The following COL11A2 variants were observed in gnomAD, a reference collection of about 807,000 sequenced individuals.
COL11A2 encodes the protein collagen type XI alpha 2 chain, also known as collagen alpha-2(XI) chain.
COL11A2 carries 116 observed loss-of-function variants against 273.4 expected under a neutral mutation model. The ratio of observed to expected loss-of-function variants is 0.42; its 90% CI spans 0.36 to 0.49. COL11A2 has a LOEUF of 0.49. Among genes scored for constraint, COL11A2 ranks in the 20% least tolerant of loss-of-function variants. COL11A2 has a pLI of 0.00. For synonymous variants in COL11A2, 782 were observed against 864.2 expected (o/e 0.90, Z 1.67); for missense variants, 1,866 against 2,309.0 (o/e 0.81, Z 3.93).
At chr6:33,187,176 C>CA (rs1772540212) in intron 4 of COL11A2, among the ~76,000 whole-genome samples, 1 of 152,220 alleles carries the variant, frequency 6.6e-6, no homozygotes, top group African/African-American at 2.4e-5. Flanking sequence ...TGTGGCAATG[C>CA]ATGAGCCCTT....
In COL11A2 at chr6:33,178,565, C is replaced by G. The variant is rs1048496373; in HGVS notation, c.1720-77G>C. ...AGACACCGAACCTCTGCACTTAGCCCATCCATTACTTTCACTGAGCTCCTG... is the reference window on the plus strand; with the variant it reads ...AGACACCGAACCTCTGCACTTAGCCGATCCATTACTTTCACTGAGCTCCTG... On this transcript the variant is annotated intron_variant, in intron 18 of 65. Coordinates refer to ENST00000341947, the MANE Select transcript of COL11A2 (RefSeq NM_080680.3). The surrounding 1 kb of genome is among the most constrained non-coding windows in gnomAD (Gnocchi z 4.6). The G allele has an allele frequency of 1.9e-5, 31 of 1,608,764 alleles. No individual in the cohort carries two copies. The highest frequency in any genetic ancestry group is 2.6e-5 in the Non-Finnish European group (31 of 1,176,550).
chr6:33,186,461 T>C, intron 5 of COL11A2, 166 bp downstream of exon 5: 1 of 1,458,984 alleles, frequency 6.9e-7, no homozygotes, highest in Non-Finnish European at 9.0e-7. Flanking sequence ...ATAACAACTC[T>C]TTTTATTTTT....
At chr6:33,192,922 G>A (rs1243465139), upstream of COL11A2, among the ~76,000 whole-genome samples, 1 of 152,140 alleles carries the variant, frequency 6.6e-6, no homozygotes, top group Admixed American at 6.5e-5. Flanking sequence ...CCGGGCCGGG[G>A]CGGGGGTATT....
At chr6:33,175,958 T>C (rs1270601729) in intron 29 of COL11A2, 58 bp downstream of exon 29, 1 of 1,597,532 alleles carries the variant, frequency 6.3e-7, no homozygotes, top group Non-Finnish European at 8.6e-7. Flanking sequence ...GCTTGGCGTC[T>C]CCAGAGTGGA....
In COL11A2 at chr6:33,176,404, C is replaced by T; in HGVS notation, c.2169+29G>A. On this transcript the variant is annotated intron_variant, in intron 27 of 65. Coordinates refer to ENST00000341947, the MANE Select transcript of COL11A2 (RefSeq NM_080680.3). The surrounding 1 kb of genome is among the most constrained non-coding windows in gnomAD (Gnocchi z 4.9). The stretch of plus-strand genomic sequence containing the variant: ...CCATATAGCTCCCCTGACCACAGCC[C>T]TTTGTCTCCCAGCCTGGTGGTCAGT... The T allele has an allele frequency of 6.2e-7, 1 of 1,611,424 alleles. No homozygotes were observed. Among genetic ancestry groups the T allele is most frequent in the Non-Finnish European group, 8.5e-7 (1 of 1,179,272 alleles).
Position 33,164,561 on chromosome 6 carries a change from G to A in COL11A2, c.4864-88C>T, listed in dbSNP as rs2744514. The A allele has an allele frequency of 0.69, 778,480 of 1,123,576 alleles. 274,665 individuals carry two copies. Among genetic ancestry groups the A allele is most frequent in the East Asian group, 0.98 (37,784 of 38,468 alleles). 69.6% of individuals were successfully genotyped at this position (1,123,576 alleles called of 1,614,324 possible). On this transcript the variant is annotated intron_variant, in intron 64 of 65. Coordinates refer to ENST00000341947, the MANE Select transcript of COL11A2 (RefSeq NM_080680.3). This position sits in a 1 kb window ranked among gnomAD's most constrained non-coding sequence, Gnocchi z 4.7. Reference sequence around the variant, plus strand: ...AGAGACGGGCCTCAGGAGCATCTACGGCACCAGGACAGCTGAGCCAGAGTC... The same window carrying A: ...AGAGACGGGCCTCAGGAGCATCTACAGCACCAGGACAGCTGAGCCAGAGTC...
At position 33,170,859 on chromosome 6, in the gene COL11A2, T is replaced by A; in HGVS notation, c.3425A>T (p.Asp1142Val). 2.5e-6 allele frequency: 4 copies of A among 1,612,872 alleles called. No individual in the cohort carries two copies. The highest frequency in any genetic ancestry group is 3.4e-6 in the Non-Finnish European group (4 of 1,179,968). Residue 1142 changes from aspartate (D) to valine (V), a missense_variant, in exon 46 of 66, where the codon GAT becomes GTT. Coordinates refer to ENST00000341947, the MANE Select transcript of COL11A2 (RefSeq NM_080680.3). This position sits in a 1 kb window ranked among gnomAD's most constrained non-coding sequence, Gnocchi z 4.3. ...GPQGHFGAKGDEGTRGFNGPP... is the reference protein window; with the variant it reads ...GPQGHFGAKGVEGTRGFNGPP... ...CCCATTGAATCCTCTTGTTCCTTCA[T>A]CACCTTTGGCTCCAAAGTGTCCCTG...
At chr6:33,185,103 G>C (rs1439818881) in intron 6 of COL11A2, 49 bp from the exon 7 acceptor site, 1 of 1,426,052 alleles carries the variant, frequency 7.0e-7, no homozygotes, top group East Asian at 2.5e-5. Context: ...GGGAAGGAAG[G>C]AGAAAGGTTA....
Position 33,164,227 on chromosome 6 carries a change from G to A in COL11A2, c.5070+40C>T. The A allele has an allele frequency of 6.2e-7, 1 of 1,609,094 alleles. No homozygotes were observed. The highest frequency in any genetic ancestry group is 8.5e-7 in the Non-Finnish European group (1 of 1,177,682). ...TTCCCACCTCCTTCCTCCAGCCTGAGTCTGAGATCAGCCCCCAACCCAGCT... is the reference window on the plus strand; with the variant it reads ...TTCCCACCTCCTTCCTCCAGCCTGAATCTGAGATCAGCCCCCAACCCAGCT... On this transcript the variant is annotated intron_variant, in intron 65 of 65. Transcript: ENST00000341947. The surrounding 1 kb of genome is among the most constrained non-coding windows in gnomAD (Gnocchi z 4.7).
intron 4 of COL11A2, 74 bp downstream of exon 4, chr6:33,188,288 T>A (rs1772660897): frequency 6.4e-7 from 1 of 1,559,034 alleles, no homozygotes; most frequent in South Asian, 1.1e-5. Flanking sequence ...GAAGATGACA[T>A]GCTGGGGCCA....
In COL11A2 at chr6:33,164,921, G is replaced by A. The variant is rs1158654168; in HGVS notation, c.4794C>T (p.Ala1598=). The change falls in exon 64 of 66, where the codon GCC becomes GCT. Residue 1598 remains alanine (A), a synonymous_variant. Transcript: ENST00000341947. The surrounding 1 kb of genome is among the most constrained non-coding windows in gnomAD (Gnocchi z 4.7). Reference sequence around the variant, plus strand: ...CTGTGAAGTTGCAGAAAACTCGGAAGGCATCCCGAGCACAGCCCTGGTTGG... The same window carrying A: ...CTGTGAAGTTGCAGAAAACTCGGAAAGCATCCCGAGCACAGCCCTGGTTGG... ...VDPNQGCARD[A]FRVFCNFTAG... is the part of the protein sequence containing the mutation. 3.8e-6 allele frequency: 6 copies of A among 1,581,468 alleles called. No individual in the cohort carries two copies. The East Asian group carries it at 9.2e-5, about 24-fold the overall frequency.
Position 33,173,093 on chromosome 6 carries a change from G to A in COL11A2, c.2757C>T (p.Gly919=), listed in dbSNP as rs34478777. The part of the protein sequence containing the change: ...RGEVGFQGKT[G]PPGPPGVVGP... ...CCACCACTCCTGGAGGACCAGGGGG[G>A]CCGGTCTTCCCTTGGAAACCCTAGG... Residue 919 remains glycine (G), a synonymous_variant, in exon 38 of 66, where the codon GGC becomes GGT. Coordinates refer to ENST00000341947, the MANE Select transcript of COL11A2 (RefSeq NM_080680.3). This position sits in a 1 kb window ranked among gnomAD's most constrained non-coding sequence, Gnocchi z 6.3. The A allele has an allele frequency of 4.8e-4, 772 of 1,612,528 alleles. 25 individuals carry two copies. In the South Asian group the frequency reaches 6.0e-3, roughly 12 times the overall value.
rs1554226286 is a variant in COL11A2 at position 33,189,461 on chromosome 6, G to A, written c.91C>T (p.Pro31Ser). ...SAAPGWAGAP[P>S]VDVLRALRFP... ...CTCAGGGCCCGGAGCACATCCACAG[G>A]GGGTGCACCTGGGAGAGTCCATGAT... The change falls in exon 2 of 66, where the codon CCT becomes TCT. Residue 31 changes from proline to serine, a missense_variant. Transcript: ENST00000341947. This position sits in a 1 kb window ranked among gnomAD's most constrained non-coding sequence, Gnocchi z 5.6. The A allele has an allele frequency of 6.2e-7, 1 of 1,613,086 alleles. No individual in the cohort carries two copies. The highest frequency in any genetic ancestry group is 8.5e-7 in the Non-Finnish European group (1 of 1,180,024).
rs1042128984 is a variant in COL11A2, at chr6:33,170,706, G to A, written c.3475-96C>T. 2.3e-5 allele frequency: 36 copies of A among 1,585,194 alleles called. No homozygotes were observed. The highest frequency in any genetic ancestry group is 2.8e-5 in the Non-Finnish European group (32 of 1,155,252). ...CCACAGTCCCCTCCCCTCAGACTCC[G>A]CAGGCCCTCCAGTCTGCATCGGCAG... On this transcript the variant is annotated intron_variant, in intron 46 of 65. Transcript: ENST00000341947. The surrounding 1 kb of genome is among the most constrained non-coding windows in gnomAD (Gnocchi z 4.3).
In COL11A2 at chr6:33,178,868, C is replaced by A. The variant is rs1771302664; in HGVS notation, c.1665+52G>T. The A allele has an allele frequency of 1.9e-6, 3 of 1,612,132 alleles. No individual in the cohort carries two copies. The highest frequency in any genetic ancestry group is 8.5e-7 in the Non-Finnish European group (1 of 1,178,908). ...AGGTCATCCCCAAGAAACAACTGAG[C>A]CCAGCGTGGGCTGAAGGCTACAGGC... On this transcript the variant is annotated intron_variant, in intron 17 of 65. Transcript: ENST00000341947. The surrounding 1 kb of genome is among the most constrained non-coding windows in gnomAD (Gnocchi z 4.6).
rs920586059 is a variant in COL11A2, at chr6:33,171,483, C to A, written c.3242G>T (p.Gly1081Val). 5.0e-6 allele frequency: 8 copies of A among 1,613,980 alleles called. No individual in the cohort carries two copies. The highest frequency in any genetic ancestry group is 5.1e-6 in the Non-Finnish European group (6 of 1,179,938). The change falls in exon 43 of 66, where the codon GGA becomes GTA. Residue 1081 changes from glycine to valine, a missense_variant. Coordinates refer to ENST00000341947, the MANE Select transcript of COL11A2 (RefSeq NM_080680.3). ...TCCCCTCACCTTGTCTCCATCCTCT[C>A]CAGCCACACCTGGAGGCCCAGCAGG... ...PGPAGPPGVAGEDGDKGEVGD... is the reference protein window; with the variant it reads ...PGPAGPPGVAVEDGDKGEVGD...
chr6:33,164,384 G>C lies in COL11A2; in HGVS notation c.4953C>G (p.Val1651=), dbSNP rs1259253827. Reference sequence around the variant, plus strand: ...GGGCTGCTCCAGAGCAGGGGTAGGAGACGTCCTGGTGGGCTGAGACGCTGA... The same window carrying C: ...GGGCTGCTCCAGAGCAGGGGTAGGACACGTCCTGGTGGGCTGAGACGCTGA... ...RLLSVSAHQD[V]SYPCSGAARD... The change falls in exon 65 of 66, where the codon GTC becomes GTG. Residue 1651 remains valine, a synonymous_variant. Coordinates refer to ENST00000341947, the MANE Select transcript of COL11A2 (RefSeq NM_080680.3). The surrounding 1 kb of genome is among the most constrained non-coding windows in gnomAD (Gnocchi z 4.7). The C allele has an allele frequency of 7.4e-6, 12 of 1,610,842 alleles. No homozygotes were observed. The highest frequency in any genetic ancestry group is 3.3e-5 in the Admixed American group (2 of 59,774).
rs1583303584 is a variant in COL11A2, at chr6:33,169,609, A to G, written c.3691-119T>C. 2 of 1,144,246 alleles carry G rather than the reference A, an allele frequency of 1.7e-6. No individual in the cohort carries two copies. The highest frequency in any genetic ancestry group is 5.0e-5 in the East Asian group (2 of 40,088). 70.9% of individuals were successfully genotyped at this position (1,144,246 alleles called of 1,614,324 possible). A position where few individuals can be genotyped will look rare whatever the true frequency, so the allele number is the denominator to read the frequency against. On this transcript the variant is annotated intron_variant, in intron 50 of 65. Coordinates refer to ENST00000341947, the MANE Select transcript of COL11A2 (RefSeq NM_080680.3). This position sits in a 1 kb window ranked among gnomAD's most constrained non-coding sequence, Gnocchi z 5.5. Reference sequence around the variant, plus strand: ...TCCCCTCAGTGACAATGGGACATACACAGAAAGTCAAGCCTACAAGGGGAG... The same window carrying G: ...TCCCCTCAGTGACAATGGGACATACGCAGAAAGTCAAGCCTACAAGGGGAG...
chr6:33,168,879 C>A, intron 52 of COL11A2, 76 bp downstream of exon 52: 1 of 1,593,408 alleles, frequency 6.3e-7, no homozygotes, highest in Non-Finnish European at 8.6e-7. Flanking sequence ...AATACCCAAG[C>A]CCAGCGGCCA....
Sources: gnomAD v4.1 joint callset for allele counts (sites outside exome capture counted in the v4.1 genomes callset) on GRCh38, gnomAD v4.1.1 for gene constraint, Gnocchi (gnomAD v3.1) non-coding constraint, MANE v1.5 for transcripts, NCBI Gene and HGNC (gene_info 2026-07-23, HGNC 2026-07-21) for gene names.